Variants in ADAMTS2 observed in about 807,000 individuals in gnomAD.
ADAMTS2 encodes A disintegrin and metalloproteinase with thrombospondin motifs 2.
ADAMTS2 carries 50 observed loss-of-function variants against 123.0 expected under a neutral mutation model. The observed-to-expected ratio is 0.41, with a 90% CI of 0.32 to 0.51. The LOEUF (loss-of-function observed/expected upper bound fraction) is 0.51. Among genes scored for constraint, ADAMTS2 ranks in the 20% least tolerant of loss-of-function variants. The pLI is 0.35. For missense variants in ADAMTS2, 1,494 were observed against 1,705.2 expected, an observed-to-expected ratio of 0.88 and a Z score of 2.18; for synonymous variants, 678 against 695.4, an observed-to-expected ratio of 0.98 and a Z score of 0.39.
chr5:179,266,807 G>A (rs997875334), intron 3 of ADAMTS2, among the ~76,000 whole-genome samples: 2 of 152,204 alleles, frequency 1.3e-5, no homozygotes, highest in African/African-American at 2.4e-5. Flanking sequence ...CACATCCGCT[G>A]TGTCAGTGGG....
intron 8 of ADAMTS2, 23 bp downstream of exon 8, chr5:179,154,026 C>A: frequency 6.3e-7 from 1 of 1,589,208 alleles, no homozygotes; most frequent in Non-Finnish European, 8.5e-7. Context: ...GGGTCGCCCA[C>A]GGGGCACATG....
At position 179,117,895 on chromosome 5, in the gene ADAMTS2, A is replaced by G. The variant is rs753294696; in HGVS notation, c.3179-3571T>C. The stretch of plus-strand genomic sequence containing the variant: ...TAAAGGCAGAGCTGAGTCCTGTGAC[A>G]GAGACCATGTGGGCTCCAATGCCCA... On this transcript the variant is annotated intron_variant, in intron 21 of 21. Coordinates refer to ENST00000251582, the MANE Select transcript of ADAMTS2 (RefSeq NM_014244.5). This position sits in a 1 kb window ranked among gnomAD's most constrained non-coding sequence, Gnocchi z 4.2. Among the ~76,000 whole-genome samples, 1 of 152,198 alleles carries G rather than the reference A, an allele frequency of 6.6e-6. No individual in the cohort carries two copies. Among genetic ancestry groups the G allele is most frequent in the Non-Finnish European group, 1.5e-5 (1 of 68,030 alleles).
In ADAMTS2 at chr5:179,274,775, G is replaced by A. The variant is rs553747928; in HGVS notation, c.535-1711C>T. On this transcript the variant is annotated intron_variant, in intron 2 of 21. Coordinates refer to ENST00000251582, the MANE Select transcript of ADAMTS2 (RefSeq NM_014244.5). ...AGGGAGGCTGGAGATGCCTCCCGGC[G>A]CACTCAGCCTGGGCCCTCGGGAAGC... Among the ~76,000 whole-genome samples the A allele has an allele frequency of 6.6e-5, 10 of 152,342 alleles. No individual in the cohort carries two copies. In the South Asian group the frequency reaches 1.5e-3, roughly 22 times the overall value.
chr5:179,208,014 G>C (rs1764749161), intron 3 of ADAMTS2, among the ~76,000 whole-genome samples: 1 of 152,024 alleles, frequency 6.6e-6, no homozygotes. Context: ...CGATGGATCA[G>C]ACCTGCTGAG....
intron 2 of ADAMTS2, among the ~76,000 whole-genome samples, chr5:179,304,485 A>G (rs779355120): frequency 3.9e-5 from 6 of 152,248 alleles, no homozygotes; most frequent in Non-Finnish European, 8.8e-5. Context: ...AGATAGTCTC[A>G]GCAAGAAACG....
chr5:179,187,326 G>A lies in ADAMTS2; in HGVS notation c.892-6171C>T, dbSNP rs78623000. On this transcript the variant is annotated intron_variant, in intron 4 of 21. Coordinates refer to ENST00000251582, the MANE Select transcript of ADAMTS2 (RefSeq NM_014244.5). Reference sequence around the variant, plus strand: ...GGGTCTGGCCCTGCTGAGTCTTCTCGGGCTGCCCTGGCCCTGCTCCCTGTG... The same window carrying A: ...GGGTCTGGCCCTGCTGAGTCTTCTCAGGCTGCCCTGGCCCTGCTCCCTGTG... Among the ~76,000 whole-genome samples, 600 of 152,212 alleles carry A rather than the reference G, an allele frequency of 3.9e-3. 5 individuals carry two copies. Among genetic ancestry groups the A allele is most frequent in the African/African-American group, 0.014 (567 of 41,538 alleles).
intron 3 of ADAMTS2, among the ~76,000 whole-genome samples, chr5:179,237,977 A>G (rs759017646): frequency 3.3e-5 from 5 of 152,196 alleles, no homozygotes; most frequent in African/African-American, 4.8e-5. Flanking sequence ...ACAGTTACTT[A>G]ACCAGAACTT....
intron 2 of ADAMTS2, among the ~76,000 whole-genome samples, chr5:179,289,372 G>A (rs1756122140): frequency 6.6e-6 from 1 of 152,102 alleles, no homozygotes. Flanking sequence ...GGAGGGGAAG[G>A]GCAGCTCTTT....
At chr5:179,290,107 G>A (rs1280595414) in intron 2 of ADAMTS2, among the ~76,000 whole-genome samples, 1 of 152,194 alleles carries the variant, frequency 6.6e-6, no homozygotes. Context: ...CTTGACATTT[G>A]GTCCCCAGTG....
intron 10 of ADAMTS2, 25 bp downstream of exon 10, chr5:179,152,117 C>T (rs1162642124): frequency 1.2e-6 from 2 of 1,602,412 alleles, no homozygotes; most frequent in East Asian, 2.2e-5. Flanking sequence ...CTGCTGCCCT[C>T]CAAGAGCCCT....
rs1757923970 is a variant in ADAMTS2, at chr5:179,345,369, C to G, written c.-41G>C. ...GCCGGGGCCCCGCACTCGCAGCCGG[C>G]GCGAAAGTTCCCCGCGAGCCGCCCA... On this transcript the variant is annotated 5_prime_UTR_variant, in exon 1 of 22. Transcript: ENST00000251582. This position sits in a 1 kb window ranked among gnomAD's most constrained non-coding sequence, Gnocchi z 7.5. The G allele has an allele frequency of 8.9e-7, 1 of 1,120,356 alleles. No homozygotes were observed. The highest frequency in any genetic ancestry group is 4.3e-5 in the South Asian group (1 of 23,336). 69.4% of individuals were successfully genotyped at this position (1,120,356 alleles called of 1,614,324 possible). A position where few individuals can be genotyped will look rare whatever the true frequency, so the allele number is the denominator to read the frequency against.
At chr5:179,315,065 C>T (rs978859495) in intron 2 of ADAMTS2, among the ~76,000 whole-genome samples, 7 of 149,722 alleles carry the variant, frequency 4.7e-5, no homozygotes, top group Admixed American at 4.0e-4. Context: ...CAAGGCCCCA[C>T]CCCGGCCTCC....
chr5:179,153,445 T>C, intron 9 of ADAMTS2, 46 bp downstream of exon 9: 1 of 1,599,942 alleles, frequency 6.3e-7, no homozygotes. Flanking sequence ...CCAGCACGCC[T>C]CCCCCCAGAC....
intron 10 of ADAMTS2, among the ~76,000 whole-genome samples, chr5:179,149,152 T>C (rs558684454): frequency 2.0e-5 from 3 of 152,258 alleles, no homozygotes; most frequent in East Asian, 1.9e-4. Context: ...CAAATTCATA[T>C]GGTGAAGCCC....
At position 179,312,300 on chromosome 5, in the gene ADAMTS2, G is replaced by C. The variant is rs1756855302; in HGVS notation, c.534+31467C>G. 6.6e-6 allele frequency among the ~76,000 whole-genome samples: 1 copy of C among 152,198 alleles called. No individual in the cohort carries two copies. Among genetic ancestry groups the C allele is most frequent in the African/African-American group, 2.4e-5 (1 of 41,442 alleles). On this transcript the variant is annotated intron_variant, in intron 2 of 21. Transcript: ENST00000251582. The surrounding 1 kb of genome is among the most constrained non-coding windows in gnomAD (Gnocchi z 4.2). The stretch of plus-strand genomic sequence containing the variant: ...TTCCCCCCAAATTCCGATGTTGAAA[G>C]CTACTCCCCCAAGGTGATATATTAG...
At chr5:179,298,216 A>G (rs572918296) in intron 2 of ADAMTS2, among the ~76,000 whole-genome samples, 115 of 145,564 alleles carry the variant, frequency 7.9e-4, no homozygotes, top group African/African-American at 2.7e-3. Context: ...AGGCTCGGGG[A>G]ACCCAGGCTG....
intron 2 of ADAMTS2, among the ~76,000 whole-genome samples, chr5:179,331,309 G>C (rs184643112): frequency 1.5e-5 from 2 of 137,468 alleles, no homozygotes; most frequent in East Asian, 4.3e-4. Context: ...AAAAAGGGGA[G>C]ATGAGGGAGA....
chr5:179,119,701 A>T (rs1350092076), intron 21 of ADAMTS2, among the ~76,000 whole-genome samples: 2 of 152,154 alleles, frequency 1.3e-5, no homozygotes, highest in African/African-American at 4.8e-5. Flanking sequence ...TTCCTGGACG[A>T]GTAGCCCAAG....
intron 3 of ADAMTS2, among the ~76,000 whole-genome samples, chr5:179,253,507 G>A (rs543913690): frequency 1.3e-5 from 2 of 152,254 alleles, no homozygotes; most frequent in South Asian, 4.2e-4. Flanking sequence ...TTCGGGGGGT[G>A]TGGTGGCACA....
Sources: gnomAD v4.1 joint callset for allele counts (sites outside exome capture counted in the v4.1 genomes callset) on GRCh38, gnomAD v4.1.1 for gene constraint, Gnocchi (gnomAD v3.1) non-coding constraint, MANE v1.5 for transcripts, NCBI Gene and HGNC (gene_info 2026-07-23, HGNC 2026-07-21) for gene names.